The following SNX27 variants were observed in gnomAD, a reference collection of about 807,000 sequenced individuals.
SNX27 encodes sorting nexin-27.
A neutral mutation model predicts 71.6 loss-of-function variants in SNX27; 22 were observed. The observed-to-expected ratio is 0.31, with a 90% confidence interval of 0.22 to 0.44. The LOEUF (loss-of-function observed/expected upper bound fraction) is 0.44. Among genes scored for constraint, SNX27 ranks in the 20% least tolerant of loss-of-function variants. SNX27 has a pLI of 1.00. For missense variants in SNX27, 531 were observed against 698.6 expected (o/e 0.76, Z 2.70); for synonymous variants, 269 against 277.2 (o/e 0.97, Z 0.29).
rs752336635 is a variant in SNX27, at chr1:151,638,949, G to A, written c.373G>A (p.Glu125Lys). ...KQVVDLIRAG[E>K]KELILTVLSV... is the part of the protein sequence containing the mutation. ...GGTGGTGGACCTGATTCGAGCAGGC[G>A]AGAAGGAATTGATCTTGACAGTGTT... Residue 125 changes from glutamate to lysine, a missense_variant, in exon 2 of 12, where the codon GAG (glutamate) becomes AAG (lysine). This residue lies in a region of SNX27 where 47 missense variants were observed against 41.4 expected (regional missense o/e 1.13). Transcript: ENST00000458013. 1.1e-5 allele frequency: 18 copies of A among 1,614,040 alleles called. No individual in the cohort carries two copies. The South Asian group carries it at 1.3e-4, about 12-fold the overall frequency.
intron 1 of SNX27, among the ~76,000 whole-genome samples, chr1:151,621,062 G>A (rs956829001): frequency 4.6e-5 from 7 of 152,108 alleles, no homozygotes; most frequent in African/African-American, 1.4e-4. Flanking sequence ...ACTGAAGACG[G>A]GGGGGAAACT....
chr1:151,645,052 G>A (rs965454185), intron 2 of SNX27, among the ~76,000 whole-genome samples: 4 of 152,182 alleles, frequency 2.6e-5, no homozygotes, highest in East Asian at 1.9e-4. Context: ...CACCCGCCTC[G>A]GCCTCCCAAA....
At chr1:151,636,431 G>C (rs1162002969) in intron 1 of SNX27, among the ~76,000 whole-genome samples, 2 of 152,032 alleles carry the variant, frequency 1.3e-5, no homozygotes, top group Admixed American at 1.3e-4. Flanking sequence ...CTCCCAAGTA[G>C]CTGGAACTAT....
intron 3 of SNX27, 151 bp downstream of exon 3, chr1:151,658,578 A>G (rs893926844): frequency 8.1e-6 from 6 of 742,460 alleles, no homozygotes; most frequent in African/African-American, 1.8e-5. Flanking sequence ...TTTGAAGGCA[A>G]AACTGAAATG....
chr1:151,637,549 CTCTT>C lies in SNX27; in HGVS notation c.312-1337_312-1334del, dbSNP rs371044038. Among the ~76,000 whole-genome samples the C allele has an allele frequency of 9.9e-5, 15 of 152,258 alleles. No homozygotes were observed. In the South Asian group the frequency reaches 3.1e-3, roughly 32 times the overall value. The stretch of plus-strand genomic sequence containing the variant: ...CCCAAGTTTCCATCAGTGAAAGGGG[CTCTT>C]TATTTTTTTCTATAGCTAGCTTATT... On this transcript the variant is annotated intron_variant, in intron 1 of 11. Coordinates refer to ENST00000458013, the MANE Select transcript of SNX27 (RefSeq NM_001330723.2).
At chr1:151,692,406 C>CCTT in intron 8 of SNX27, 29 bp from the exon 9 acceptor site, 1 of 853,878 alleles carries the variant, frequency 1.2e-6, no homozygotes, top group Non-Finnish European at 1.5e-6. Context: ...TTTCTCCTTC[C>CCTT]TTTTTTTTTT....
Position 151,683,575 on chromosome 1 carries a change from G to C in SNX27, c.1239+130G>C, listed in dbSNP as rs1029014865. On this transcript the variant is annotated intron_variant, in intron 8 of 11. Transcript: ENST00000458013. Reference sequence around the variant, plus strand: ...CTAATTTTAAAAAAGGAGGGGAATAGGGACCTTGATGCAAAGTCCATTGTG... The same window carrying C: ...CTAATTTTAAAAAAGGAGGGGAATACGGACCTTGATGCAAAGTCCATTGTG... 6 of 607,958 alleles carry C rather than the reference G, an allele frequency of 9.9e-6. No individual in the cohort carries two copies. The Admixed American group carries it at 1.0e-4, about 10-fold the overall frequency. The allele number at this position is 607,958 out of a possible 1,614,324, so 37.7% of individuals were successfully genotyped here. A position where few individuals can be genotyped will look rare whatever the true frequency, so the allele number is the denominator to read the frequency against.
chr1:151,626,188 G>A (rs1173586466), intron 1 of SNX27, among the ~76,000 whole-genome samples: 2 of 150,868 alleles, frequency 1.3e-5, no homozygotes, highest in African/African-American at 4.9e-5. Flanking sequence ...TTAAAAAAAG[G>A]TACCAAAGGA....
At chr1:151,642,580 T>C (rs1668828208) in intron 2 of SNX27, among the ~76,000 whole-genome samples, 1 of 152,100 alleles carries the variant, frequency 6.6e-6, no homozygotes, top group Non-Finnish European at 1.5e-5. Flanking sequence ...TTTTATGTTT[T>C]CTTACAGTTT....
chr1:151,689,112 G>A (rs902621912), intron 8 of SNX27, among the ~76,000 whole-genome samples: 1 of 152,082 alleles, frequency 6.6e-6, no homozygotes, highest in African/African-American at 2.4e-5. Context: ...TGATTCAGAG[G>A]GGACGGACAG....
chr1:151,627,368 T>C (rs1667992112), intron 1 of SNX27, among the ~76,000 whole-genome samples: 1 of 152,232 alleles, frequency 6.6e-6, no homozygotes, highest in African/African-American at 2.4e-5. Flanking sequence ...TTGACTAAAG[T>C]ACAGTACTTA....
chr1:151,641,996 G>GAT (rs1558047158), intron 2 of SNX27, among the ~76,000 whole-genome samples: 27 of 140,398 alleles, frequency 1.9e-4, no homozygotes, highest in African/African-American at 2.9e-4. Flanking sequence ...ATATATATGA[G>GAT]ATATATATAT....
intron 1 of SNX27, among the ~76,000 whole-genome samples, chr1:151,621,112 A>C (rs937274259): frequency 1.3e-5 from 2 of 152,236 alleles, no homozygotes; most frequent in South Asian, 2.1e-4. Context: ...CCTACCTTCA[A>C]AATGAAAATT....
chr1:151,685,014 G>A, intron 8 of SNX27, among the ~76,000 whole-genome samples: 1 of 151,940 alleles, frequency 6.6e-6, no homozygotes, highest in East Asian at 1.9e-4. Context: ...TCACCATGTT[G>A]GCCAGGCTGG....
At position 151,660,783 on chromosome 1, in the gene SNX27, C is replaced by G; in HGVS notation, c.737-15C>G. 1.2e-6 allele frequency: 2 copies of G among 1,602,840 alleles called. No individual in the cohort carries two copies. Among genetic ancestry groups the G allele is most frequent in the South Asian group, 1.1e-5 (1 of 90,822 alleles). Reference sequence around the variant, plus strand: ...TTTAAGGCCTTATGCCAGATTTTATCTTTATTTTCTACAGTGTGTTCAATA... The same window carrying G: ...TTTAAGGCCTTATGCCAGATTTTATGTTTATTTTCTACAGTGTGTTCAATA... On this transcript the variant is annotated splice_polypyrimidine_tract_variant and intron_variant, in intron 3 of 11. Transcript: ENST00000458013.
chr1:151,680,608 A>G (rs778586128), intron 7 of SNX27, among the ~76,000 whole-genome samples: 1 of 152,238 alleles, frequency 6.6e-6, no homozygotes, highest in Admixed American at 6.5e-5. Flanking sequence ...TGAGTCAGAC[A>G]TAGTTCTAGG....
At chr1:151,635,309 A>G (rs1366261305) in intron 1 of SNX27, among the ~76,000 whole-genome samples, 2 of 152,224 alleles carry the variant, frequency 1.3e-5, no homozygotes. Flanking sequence ...TATGGATTAG[A>G]AAATTGAGAT....
chr1:151,631,329 G>A (rs187521675), intron 1 of SNX27, among the ~76,000 whole-genome samples: 70 of 152,270 alleles, frequency 4.6e-4, no homozygotes, highest in African/African-American at 1.6e-3. Flanking sequence ...AAGATATGTT[G>A]TGGAGAAGGT....
At chr1:151,626,711 A>AT (rs913123386) in intron 1 of SNX27, among the ~76,000 whole-genome samples, 10 of 152,120 alleles carry the variant, frequency 6.6e-5, no homozygotes, top group Admixed American at 2.0e-4. Flanking sequence ...AAATAAATAA[A>AT]TAAATAAATA....
Sources: allele counts gnomAD v4.1 joint callset (sites outside exome capture counted in the v4.1 genomes callset), GRCh38; gene constraint gnomAD v4.1.1; regional missense constraint gnomAD v4.1.1; transcripts MANE v1.5; gene names NCBI Gene and HGNC (gene_info 2026-07-23, HGNC 2026-07-21).